The following SMC4 variants were observed in gnomAD, a reference collection of about 807,000 sequenced individuals.
The protein encoded by SMC4 is structural maintenance of chromosomes protein 4.
A neutral mutation model predicts 145.6 loss-of-function variants in SMC4; 87 were observed. That is an observed-to-expected ratio of 0.60 (90% CI 0.50 to 0.71). The LOEUF is 0.71. Among genes scored for constraint, SMC4 ranks in the 30% least tolerant of loss-of-function variants. SMC4 has a pLI of 0.00. For missense variants in SMC4, 1,447 were observed against 1,537.1 expected (o/e 0.94, Z 0.98); for synonymous variants, 558 against 500.7 (o/e 1.11, Z -1.53).
chr3:160,423,438 C>T lies in SMC4; in HGVS notation c.2033C>T (p.Ala678Val), dbSNP rs141584099. 679 of 1,581,504 alleles carry T rather than the reference C, an allele frequency of 4.3e-4. 4 individuals are homozygous for T. The highest frequency in any genetic ancestry group is 8.5e-4 in the Middle Eastern group (5 of 5,880). Residue 678 changes from alanine (A) to valine (V), a missense_variant, in exon 14 of 24, where the codon GCG becomes GTG. Transcript: ENST00000357388. ...GTTTACTTTTAGATGGCTGTATGGG[C>T]GAAAAAGATGACCGAAATTCAAACT... ...FIGLDKMAVW[A>V]KKMTEIQTPE...
At chr3:160,409,761 A>C (rs554105341) in intron 5 of SMC4, among the ~76,000 whole-genome samples, 1 of 152,318 alleles carries the variant, frequency 6.6e-6, no homozygotes, top group South Asian at 2.1e-4. Flanking sequence ...ACACTAACCC[A>C]CAGGATTTAA....
In SMC4 at chr3:160,402,018, G is replaced by A. The variant is rs2108443936; in HGVS notation, c.243G>A (p.Arg81=). 6.3e-7 allele frequency: 1 copy of A among 1,599,438 alleles called. No homozygotes were observed. ...TGACCAATGAAGCTGGAGCTCCTCG[G>A]CTTATGATAACTCATATTGTAAACC... The part of the protein sequence containing the change: ...PAMTNEAGAP[R]LMITHIVNQN... Residue 81 remains arginine (R), a synonymous_variant, in exon 3 of 24, where the codon CGG becomes CGA. Coordinates refer to ENST00000357388, the MANE Select transcript of SMC4 (RefSeq NM_001002800.3).
chr3:160,432,938 T>C (rs577962638), intron 22 of SMC4, 88 bp from the exon 23 acceptor site: 36 of 837,444 alleles, frequency 4.3e-5, no homozygotes, highest in Middle Eastern at 2.3e-4. Flanking sequence ...CTAAAAAAGA[T>C]AGTAGAACTC....
In SMC4 at chr3:160,431,813, G is replaced by A; in HGVS notation, c.3285G>A (p.Glu1095=). The A allele has an allele frequency of 6.2e-7, 1 of 1,611,894 alleles. No homozygotes were observed. The highest frequency in any genetic ancestry group is 8.5e-7 in the Non-Finnish European group (1 of 1,179,546). The change falls in exon 21 of 24, where the codon GAG becomes GAA. Residue 1095 remains glutamate, a synonymous_variant. Coordinates refer to ENST00000357388, the MANE Select transcript of SMC4 (RefSeq NM_001002800.3). ...EMKPNLGAIA[E]YKKKEELYLQ... ...AACCAAACCTCGGTGCCATCGCAGA[G>A]TATAAAAAGAAGGTATGAATGAACT... is the stretch of plus-strand genomic sequence containing the variant.
chr3:160,430,936 G>T (rs1718336494), intron 19 of SMC4, 96 bp from the exon 20 acceptor site: 1 of 1,300,460 alleles, frequency 7.7e-7, no homozygotes, highest in Non-Finnish European at 1.1e-6. Context: ...AAATGGAAGG[G>T]GCATGAGGAG....
At chr3:160,404,637 T>C (rs750811591) in intron 5 of SMC4, 133 bp downstream of exon 5, 1 of 837,418 alleles carries the variant, frequency 1.2e-6, no homozygotes, top group South Asian at 1.3e-5. Flanking sequence ...CATGCTACAG[T>C]CAAGATGCGA....
At chr3:160,422,649 T>C (rs1457092030) in intron 13 of SMC4, among the ~76,000 whole-genome samples, 3 of 152,206 alleles carry the variant, frequency 2.0e-5, no homozygotes, top group Admixed American at 6.5e-5. Flanking sequence ...TTCTTGATGG[T>C]ATCCTTTGAG....
intron 22 of SMC4, 89 bp from the exon 23 acceptor site, chr3:160,432,928 CTAAAAAAGA>C: frequency 2.5e-6 from 2 of 795,790 alleles, no homozygotes. Flanking sequence ...TTACAGATTC[CTAAAAAAGA>C]TAGTAGAACT....
chr3:160,402,959 A>G (rs1171820019), intron 4 of SMC4, 92 bp downstream of exon 4: 7 of 876,636 alleles, frequency 8.0e-6, no homozygotes, highest in African/African-American at 5.3e-5. Flanking sequence ...AGAAATTTGT[A>G]TGTAATTACA....
At position 160,423,581 on chromosome 3, in the gene SMC4, A is replaced by G. The variant is rs752582234; in HGVS notation, c.2176A>G (p.Arg726Gly). Residue 726 changes from arginine (R) to glycine (G), a missense_variant, in exon 14 of 24, where the codon AGA becomes GGA. Transcript: ENST00000357388. ...AGCTGACAACTTGGATCAAGCCACAAGAGTAGCATATCAAAAAGATAGAAG... is the reference window on the plus strand; with the variant it reads ...AGCTGACAACTTGGATCAAGCCACAGGAGTAGCATATCAAAAAGATAGAAG... ...LVADNLDQAT[R>G]VAYQKDRRWR... 3 of 1,613,890 alleles carry G rather than the reference A, an allele frequency of 1.9e-6. No individual in the cohort carries two copies. The highest frequency in any genetic ancestry group is 1.1e-5 in the South Asian group (1 of 91,080).
chr3:160,425,076 T>G, intron 16 of SMC4, 57 bp downstream of exon 16: 1 of 1,467,434 alleles, frequency 6.8e-7, no homozygotes, highest in Non-Finnish European at 9.1e-7. Flanking sequence ...GGGATTCAAC[T>G]GGAATTTATC....
rs960437734 is a variant in SMC4, at chr3:160,400,853, C to G, written c.27C>G (p.Ser9=). 3 of 1,537,170 alleles carry G rather than the reference C, an allele frequency of 2.0e-6. No homozygotes were observed. Among genetic ancestry groups the G allele is most frequent in the Middle Eastern group, 1.9e-4 (1 of 5,328 alleles). The change falls in exon 2 of 24, where the codon TCC becomes TCG. Residue 9 remains serine, a synonymous_variant. Coordinates refer to ENST00000357388, the MANE Select transcript of SMC4 (RefSeq NM_001002800.3). MPRKGTQP[S]TARRREEGPP... is the part of the protein sequence containing the mutation. Reference sequence around the variant, plus strand: ...TGCCCCGTAAAGGCACCCAGCCCTCCACTGCCCGGCGCAGAGAGGAAGGGC... The same window carrying G: ...TGCCCCGTAAAGGCACCCAGCCCTCGACTGCCCGGCGCAGAGAGGAAGGGC...
chr3:160,430,684 G>C lies in SMC4; in HGVS notation c.2881G>C (p.Glu961Gln). ...TEKEVDDLTAELKSLEDKAAE... is the reference protein window; with the variant it reads ...TEKEVDDLTAQLKSLEDKAAE... ...GAAAGAGGTGGATGACCTAACAGCA[G>C]AGCTGAAAAGTCTTGAGGACAAAGC... Residue 961 changes from glutamate to glutamine, a missense_variant, in exon 19 of 24, where the codon GAG becomes CAG. Coordinates refer to ENST00000357388, the MANE Select transcript of SMC4 (RefSeq NM_001002800.3). The C allele has an allele frequency of 6.2e-7, 1 of 1,613,750 alleles. No individual in the cohort carries two copies. The highest frequency in any genetic ancestry group is 1.7e-4 in the Middle Eastern group (1 of 6,058).
At chr3:160,401,234 A>G (rs1377725752) in intron 2 of SMC4, among the ~76,000 whole-genome samples, 2 of 152,062 alleles carry the variant, frequency 1.3e-5, no homozygotes, top group Non-Finnish European at 2.9e-5. Flanking sequence ...TACAGGTCAC[A>G]AACAAAAATT....
chr3:160,409,265 C>CAA (rs10547167), intron 5 of SMC4, among the ~76,000 whole-genome samples: 15 of 61,974 alleles, frequency 2.4e-4, no homozygotes, highest in East Asian at 8.8e-4. Context: ...AACTCCGTCT[C>CAA]AAAAAAAAAA....
chr3:160,406,120 A>T (rs1374382821), intron 5 of SMC4, among the ~76,000 whole-genome samples: 2 of 152,144 alleles, frequency 1.3e-5, no homozygotes, highest in African/African-American at 4.8e-5. Flanking sequence ...AATTTATATT[A>T]CATTTGTGCT....
In SMC4 at chr3:160,424,789, G is replaced by A. The variant is rs540317996; in HGVS notation, c.2326-78G>A. 90 of 1,547,336 alleles carry A rather than the reference G, an allele frequency of 5.8e-5. 1 individual carries two copies. In the Middle Eastern group the frequency reaches 9.0e-4, roughly 16 times the overall value. On this transcript the variant is annotated intron_variant, in intron 15 of 23. Coordinates refer to ENST00000357388, the MANE Select transcript of SMC4 (RefSeq NM_001002800.3). ...CGCGCCATTGCACTCCAGCCTGGGCGACAGAAGTTTTAGTTTTCTTCGTAA... is the reference window on the plus strand; with the variant it reads ...CGCGCCATTGCACTCCAGCCTGGGCAACAGAAGTTTTAGTTTTCTTCGTAA...
intron 1 of SMC4, chr3:160,400,056 C>T (rs1164535784): frequency 2.6e-5 from 4 of 152,472 alleles, no homozygotes; most frequent in Non-Finnish European, 5.9e-5. Context: ...CCCTACCCCT[C>T]TTCCTTCTGC....
intron 20 of SMC4, 102 bp from the exon 21 acceptor site, chr3:160,431,541 C>G (rs1718406804): frequency 1.1e-6 from 1 of 893,438 alleles, no homozygotes; most frequent in African/African-American, 1.7e-5. Flanking sequence ...GTCACAACTC[C>G]TGTTGTTTTC....
Sources: allele counts gnomAD v4.1 joint callset (sites outside exome capture counted in the v4.1 genomes callset), GRCh38; gene constraint gnomAD v4.1.1; transcripts MANE v1.5; gene names NCBI Gene and HGNC (gene_info 2026-07-23, HGNC 2026-07-21).